Variants in CLSTN2 observed in about 807,000 individuals in gnomAD.
CLSTN2 encodes the protein calsyntenin-2.
CLSTN2 carries 48 observed loss-of-function variants against 101.2 expected under a neutral mutation model. That is an observed-to-expected ratio of 0.47 (90% CI 0.38 to 0.60). CLSTN2 has a LOEUF of 0.60. Among genes scored for constraint, CLSTN2 ranks in the 20% least tolerant of loss-of-function variants. The pLI is 0.00. For missense variants in CLSTN2, 1,160 were observed against 1,238.2 expected, an observed-to-expected ratio of 0.94 and a Z score of 0.95; for synonymous variants, 481 against 463.6, an observed-to-expected ratio of 1.04 and a Z score of -0.48.
intron 2 of CLSTN2, among the ~76,000 whole-genome samples, chr3:140,186,754 G>A (rs1164166714): frequency 1.3e-5 from 2 of 151,898 alleles, no homozygotes; most frequent in Non-Finnish European, 2.9e-5. Flanking sequence ...TATAGTGCTG[G>A]GCCACAGTAA....
chr3:139,996,735 T>G (rs545627301), intron 1 of CLSTN2, among the ~76,000 whole-genome samples: 1 of 152,238 alleles, frequency 6.6e-6, no homozygotes, highest in Admixed American at 6.5e-5. Flanking sequence ...TAGCTATAAG[T>G]GTTTAATTAT....
At chr3:140,558,617 C>A in intron 11 of CLSTN2, 23 bp from the exon 12 acceptor site, 1 of 1,596,992 alleles carries the variant, frequency 6.3e-7, no homozygotes, top group South Asian at 1.1e-5. Context: ...TCATCAGTGC[C>A]ATGACCGAGA....
At chr3:140,043,379 T>G (rs1257327315) in intron 1 of CLSTN2, among the ~76,000 whole-genome samples, 1 of 152,210 alleles carries the variant, frequency 6.6e-6, no homozygotes, top group Non-Finnish European at 1.5e-5. Context: ...TTGTTTATTT[T>G]TTTCTTGTAA....
chr3:140,449,123 G>C (rs972685294), intron 6 of CLSTN2, among the ~76,000 whole-genome samples: 83 of 152,304 alleles, frequency 5.4e-4, no homozygotes, highest in African/African-American at 2.0e-3. Flanking sequence ...GAAAGGGATT[G>C]GTCTCCTCCC....
At chr3:140,068,676 T>G (rs1414714076) in intron 1 of CLSTN2, among the ~76,000 whole-genome samples, 1 of 152,218 alleles carries the variant, frequency 6.6e-6, no homozygotes, top group Non-Finnish European at 1.5e-5. Flanking sequence ...CAGTTTCTGA[T>G]GGAGTGGACA....
At chr3:140,407,367 G>A (rs73228975) in intron 4 of CLSTN2, among the ~76,000 whole-genome samples, 2,043 of 152,172 alleles carry the variant, frequency 0.013, 23 homozygotes, top group Non-Finnish European at 0.021. Flanking sequence ...ATGGCAGCAG[G>A]GAGAATAGAA....
At chr3:139,953,808 T>C (rs1935336585) in intron 1 of CLSTN2, among the ~76,000 whole-genome samples, 1 of 152,086 alleles carries the variant, frequency 6.6e-6, no homozygotes, top group African/African-American at 2.4e-5. Context: ...ACTCCCCTAC[T>C]GGTATTTCCT....
chr3:140,097,132 G>A (rs529553940), intron 1 of CLSTN2, among the ~76,000 whole-genome samples: 314 of 152,250 alleles, frequency 2.1e-3, no homozygotes, highest in African/African-American at 7.3e-3. Context: ...CACTTTTTGA[G>A]TATTGATAAT....
chr3:140,199,211 A>G (rs1424774793), intron 2 of CLSTN2, among the ~76,000 whole-genome samples: 1 of 152,158 alleles, frequency 6.6e-6, no homozygotes. Flanking sequence ...ACTTTGGGCA[A>G]AGAACACTGG....
chr3:139,953,273 C>T (rs1438570419), intron 1 of CLSTN2, among the ~76,000 whole-genome samples: 1 of 152,164 alleles, frequency 6.6e-6, no homozygotes, highest in Non-Finnish European at 1.5e-5. Flanking sequence ...ATCCTCTCCC[C>T]TACAGGATTG....
At position 140,570,648 on chromosome 3, in the gene CLSTN2, T is replaced by C. The variant is rs1985503572; in HGVS notation, c.*4395T>C. ...TTTCCATAAAACAATTTAAAAACAC[T>C]AAAAAAGCAGGCAGTTTGGATTTAT... On this transcript the variant is annotated 3_prime_UTR_variant, in exon 17 of 17. Coordinates refer to ENST00000458420, the MANE Select transcript of CLSTN2 (RefSeq NM_022131.3). 6.6e-6 allele frequency: 1 copy of C among 152,160 alleles called. No homozygotes were observed. The highest frequency in any genetic ancestry group is 6.5e-5 in the Admixed American group (1 of 15,284). The allele number at this position is 152,160 out of a possible 1,614,324, so 9.4% of individuals were successfully genotyped here. A position where few individuals can be genotyped will look rare whatever the true frequency, so the allele number is the denominator to read the frequency against.
chr3:140,463,592 C>A (rs962989897), intron 7 of CLSTN2, among the ~76,000 whole-genome samples: 4 of 152,208 alleles, frequency 2.6e-5, no homozygotes, highest in Non-Finnish European at 2.9e-5. Flanking sequence ...CAGAGCAGAG[C>A]CCAGGCGAGT....
chr3:140,367,680 G>T, intron 2 of CLSTN2, among the ~76,000 whole-genome samples: 1 of 152,188 alleles, frequency 6.6e-6, no homozygotes, highest in African/African-American at 2.4e-5. Flanking sequence ...AGGGTTGTGG[G>T]GCTCCACAGC....
chr3:139,935,353 C>A lies in CLSTN2; in HGVS notation c.-22C>A. 1.8e-5 allele frequency: 22 copies of A among 1,206,716 alleles called. No individual in the cohort carries two copies. Among genetic ancestry groups the A allele is most frequent in the Non-Finnish European group, 2.3e-5 (22 of 966,322 alleles). 74.8% of individuals were successfully genotyped at this position (1,206,716 alleles called of 1,614,324 possible). A position where few individuals can be genotyped will look rare whatever the true frequency, so the allele number is the denominator to read the frequency against. On this transcript the variant is annotated 5_prime_UTR_variant, in exon 1 of 17. Transcript: ENST00000458420. This position sits in a 1 kb window ranked among gnomAD's most constrained non-coding sequence, Gnocchi z 5.5. ...CGCGGACAGTAGGCGGCGGCTGCAGCTCGTTGGCGGCTGCTGCGAGGATGC... is the reference window on the plus strand; with the variant it reads ...CGCGGACAGTAGGCGGCGGCTGCAGATCGTTGGCGGCTGCTGCGAGGATGC...
At chr3:140,263,512 C>G (rs988982157) in intron 2 of CLSTN2, among the ~76,000 whole-genome samples, 1 of 152,124 alleles carries the variant, frequency 6.6e-6, no homozygotes, top group Non-Finnish European at 1.5e-5. Context: ...AAGCTTTGGG[C>G]AATGAAGTCT....
intron 1 of CLSTN2, among the ~76,000 whole-genome samples, chr3:139,969,116 G>A (rs1308786516): frequency 2.6e-5 from 4 of 152,098 alleles, no homozygotes; most frequent in Admixed American, 6.5e-5. Context: ...GCCAGCCTGC[G>A]AGATGGATAG....
At chr3:140,136,444 C>A (rs1194737611) in intron 1 of CLSTN2, among the ~76,000 whole-genome samples, 1 of 152,162 alleles carries the variant, frequency 6.6e-6, no homozygotes, top group Non-Finnish European at 1.5e-5. Flanking sequence ...TAGTATTGTG[C>A]TTTGTCAATG....
At chr3:140,000,778 T>C (rs1206356070) in intron 1 of CLSTN2, among the ~76,000 whole-genome samples, 4 of 152,184 alleles carry the variant, frequency 2.6e-5, no homozygotes, top group Admixed American at 1.3e-4. Context: ...GCCTATATTA[T>C]CTTTCCTTTC....
chr3:140,213,810 T>C (rs905369220), intron 2 of CLSTN2, among the ~76,000 whole-genome samples: 4 of 152,056 alleles, frequency 2.6e-5, no homozygotes, highest in African/African-American at 7.2e-5. Context: ...TTCAGTAAGA[T>C]TGGGGCTCGA....
Sources: allele counts gnomAD v4.1 joint callset (sites outside exome capture counted in the v4.1 genomes callset), GRCh38; gene constraint gnomAD v4.1.1; non-coding constraint Gnocchi (gnomAD v3.1); transcripts MANE v1.5; gene names NCBI Gene and HGNC (gene_info 2026-07-23, HGNC 2026-07-21).